Variants in B3GALT1 observed in about 807,000 individuals in gnomAD.
B3GALT1 encodes the protein UDP-Gal:betaGlcNAc beta 1,3-galactosyltransferase, polypeptide 1.
A neutral mutation model predicts 23.2 loss-of-function variants in B3GALT1; 10 were observed. The observed-to-expected ratio is 0.43, with a 90% CI of 0.27 to 0.73. The LOEUF (loss-of-function observed/expected upper bound fraction) is 0.73. Among genes scored for constraint, B3GALT1 ranks in the 30% least tolerant of loss-of-function variants. B3GALT1 has a pLI of 0.21. For missense variants in B3GALT1, 299 were observed against 405.4 expected, an observed-to-expected ratio of 0.74 and a Z score of 2.25; for synonymous variants, 156 against 141.5, an observed-to-expected ratio of 1.10 and a Z score of -0.73.
intron 2 of B3GALT1, among the ~76,000 whole-genome samples, chr2:167,551,709 A>G (rs910476689): frequency 1.3e-5 from 2 of 152,042 alleles, no homozygotes; most frequent in African/African-American, 4.8e-5. Context: ...CCTTTTTCTA[A>G]TTTAACCACC....
chr2:167,777,666 A>C (rs900759443), intron 3 of B3GALT1, among the ~76,000 whole-genome samples: 1 of 152,184 alleles, frequency 6.6e-6, no homozygotes. Context: ...TTATATTGTT[A>C]TAGCATTCTT....
chr2:167,667,608 C>T (rs1000525350), intron 3 of B3GALT1, among the ~76,000 whole-genome samples: 12 of 152,204 alleles, frequency 7.9e-5, no homozygotes, highest in African/African-American at 2.9e-4. Context: ...TAGATTTGGT[C>T]TTTTCACATA....
At chr2:167,853,258 TAAATC>T (rs906843986) in intron 4 of B3GALT1, among the ~76,000 whole-genome samples, 2 of 152,158 alleles carry the variant, frequency 1.3e-5, no homozygotes, top group African/African-American at 4.8e-5. Context: ...ACTCTAGAAA[TAAATC>T]AAATAATTTA....
At chr2:167,785,265 G>A (rs1323968772) in intron 3 of B3GALT1, among the ~76,000 whole-genome samples, 1 of 152,206 alleles carries the variant, frequency 6.6e-6, no homozygotes, top group Non-Finnish European at 1.5e-5. Flanking sequence ...TGAGGGATCT[G>A]TGGGAAGATG....
intron 1 of B3GALT1, among the ~76,000 whole-genome samples, chr2:167,471,669 T>C (rs6740851): frequency 0.049 from 7,464 of 152,222 alleles, 600 homozygotes; most frequent in African/African-American, 0.17. Flanking sequence ...ATAAAAAAAA[T>C]GAAAACACTG....
At chr2:167,627,974 G>A (rs115704613) in intron 2 of B3GALT1, among the ~76,000 whole-genome samples, 1,698 of 151,714 alleles carry the variant, frequency 0.011, 13 homozygotes, top group South Asian at 0.038. Flanking sequence ...GACGTTTGAT[G>A]TGCTTATTTT....
intron 1 of B3GALT1, among the ~76,000 whole-genome samples, chr2:167,373,719 C>T (rs774624098): frequency 2.0e-5 from 3 of 152,010 alleles, no homozygotes; most frequent in Admixed American, 6.6e-5. Context: ...GCCACTATCC[C>T]GGCTCATTTT....
intron 3 of B3GALT1, among the ~76,000 whole-genome samples, chr2:167,804,874 T>C (rs1038240586): frequency 1.5e-4 from 23 of 152,226 alleles, no homozygotes; most frequent in African/African-American, 5.5e-4. Context: ...ACGGTATTTC[T>C]AGTTCAAGAT....
rs976970696 is a variant in B3GALT1, at chr2:167,435,985, A to G, written c.-510-54192A>G. ...CACACACACACACACACACACACGC[A>G]CACACACACACGCACTAGTCCAAGT... On this transcript the variant is annotated intron_variant, in intron 1 of 4. Coordinates refer to ENST00000392690, the MANE Select transcript of B3GALT1 (RefSeq NM_020981.4). Among the ~76,000 whole-genome samples, 7 of 104,386 alleles carry G rather than the reference A, an allele frequency of 6.7e-5. No homozygotes were observed. In the East Asian group the frequency reaches 6.9e-4, roughly 10 times the overall value. 68.5% of individuals were successfully genotyped at this position (104,386 alleles called of 152,430 possible).
chr2:167,671,953 C>G (rs1686335483), intron 3 of B3GALT1, among the ~76,000 whole-genome samples: 1 of 151,872 alleles, frequency 6.6e-6, no homozygotes, highest in Admixed American at 6.6e-5. Context: ...ACAATTGATA[C>G]CACAGAAATA....
At chr2:167,443,195 C>G (rs898799458) in intron 1 of B3GALT1, among the ~76,000 whole-genome samples, 1 of 151,602 alleles carries the variant, frequency 6.6e-6, no homozygotes, top group African/African-American at 2.4e-5. Flanking sequence ...AGATATGCGG[C>G]GTTATTTCTG....
chr2:167,822,148 G>A (rs536393591), intron 4 of B3GALT1, among the ~76,000 whole-genome samples: 53 of 152,262 alleles, frequency 3.5e-4, no homozygotes, highest in Non-Finnish European at 6.6e-4. Flanking sequence ...AGACTAGAAT[G>A]TCAAAGTCTC....
At chr2:167,650,671 G>C (rs1398514808) in intron 3 of B3GALT1, among the ~76,000 whole-genome samples, 1 of 151,940 alleles carries the variant, frequency 6.6e-6, no homozygotes, top group African/African-American at 2.4e-5. Flanking sequence ...TTGCTTGGAG[G>C]TTTTTGATTA....
intron 1 of B3GALT1, among the ~76,000 whole-genome samples, chr2:167,470,096 G>A (rs1310478182): frequency 6.6e-6 from 1 of 151,976 alleles, no homozygotes; most frequent in Non-Finnish European, 1.5e-5. Flanking sequence ...GTGAGTTCTA[G>A]TACCAAGGGC....
intron 1 of B3GALT1, among the ~76,000 whole-genome samples, chr2:167,360,614 A>G (rs897804318): frequency 6.6e-5 from 10 of 152,192 alleles, no homozygotes; most frequent in Non-Finnish European, 8.8e-5. Context: ...ATTGATATAT[A>G]ATAGTTCTAC....
At chr2:167,613,833 A>G (rs1465941921) in intron 2 of B3GALT1, among the ~76,000 whole-genome samples, 5 of 151,894 alleles carry the variant, frequency 3.3e-5, no homozygotes, top group Non-Finnish European at 7.4e-5. Context: ...ATATTTAAAT[A>G]TCAAGAATGT....
At chr2:167,364,081 T>C (rs1180298525) in intron 1 of B3GALT1, among the ~76,000 whole-genome samples, 2 of 148,780 alleles carry the variant, frequency 1.3e-5, no homozygotes, top group African/African-American at 5.0e-5. Context: ...GGAGAATTGC[T>C]TGAACCCAGG....
intron 1 of B3GALT1, among the ~76,000 whole-genome samples, chr2:167,427,388 T>G (rs973794046): frequency 6.6e-6 from 1 of 152,182 alleles, no homozygotes; most frequent in Non-Finnish European, 1.5e-5. Context: ...TATGACCTTA[T>G]AAATGTTAAT....
chr2:167,520,388 C>T (rs1700170386), intron 2 of B3GALT1, among the ~76,000 whole-genome samples: 1 of 152,038 alleles, frequency 6.6e-6, no homozygotes, highest in South Asian at 2.1e-4. Context: ...AATGATTTCC[C>T]ATCAAAACTC....
Sources: gnomAD v4.1 joint callset for allele counts (sites outside exome capture counted in the v4.1 genomes callset) on GRCh38, gnomAD v4.1.1 for gene constraint, MANE v1.5 for transcripts, NCBI Gene and HGNC (gene_info 2026-07-23, HGNC 2026-07-21) for gene names.